The following SEPTIN8 variants were observed in gnomAD, a reference collection of about 807,000 sequenced individuals.
SEPTIN8 encodes septin-8.
A neutral mutation model predicts 53.1 loss-of-function variants in SEPTIN8; 22 were observed. The ratio of observed to expected loss-of-function variants is 0.41; its 90% CI spans 0.30 to 0.59. The LOEUF (loss-of-function observed/expected upper bound fraction) is 0.59, where lower values mean the gene tolerates loss of function less well. Among genes scored for constraint, SEPTIN8 ranks in the 20% least tolerant of loss-of-function variants. SEPTIN8 has a pLI of 0.24. For synonymous variants in SEPTIN8, 228 were observed against 248.4 expected (o/e 0.92, Z 0.77); for missense variants, 536 against 638.7 (o/e 0.84, Z 1.73).
At position 132,760,720 on chromosome 5, in the gene SEPTIN8, G is replaced by A. The variant is rs374438217; in HGVS notation, c.1286+82C>T. On this transcript the variant is annotated intron_variant, in intron 9 of 9. Coordinates refer to ENST00000378719, the MANE Select transcript of SEPTIN8 (RefSeq NM_001098811.2). The surrounding 1 kb of genome is among the most constrained non-coding windows in gnomAD (Gnocchi z 5.2). ...GGTAAGAGAGGGCGAGCAGGAGAGC[G>A]AGAAGGGAGGTGAGGGACAAGAACG... is the stretch of plus-strand genomic sequence containing the variant. 40 of 1,323,042 alleles carry A rather than the reference G, an allele frequency of 3.0e-5. No homozygotes were observed. Among genetic ancestry groups the A allele is most frequent in the African/African-American group, 1.9e-4 (13 of 68,222 alleles). The allele number at this position is 1,323,042 out of a possible 1,614,324, so 82.0% of individuals were successfully genotyped here.
In SEPTIN8 at chr5:132,776,314, C is replaced by A. The variant is rs1040616413; in HGVS notation, c.30+794G>T. ...GCAGGGGATGTCCAGATACAACCCCCCAAAGGCCTCCCTCCCGCGAGTGAA... is the reference window on the plus strand; with the variant it reads ...GCAGGGGATGTCCAGATACAACCCCACAAAGGCCTCCCTCCCGCGAGTGAA... On this transcript the variant is annotated intron_variant, in intron 1 of 9. Coordinates refer to ENST00000378719, the MANE Select transcript of SEPTIN8 (RefSeq NM_001098811.2). The surrounding 1 kb of genome is among the most constrained non-coding windows in gnomAD (Gnocchi z 4.4). Among the ~76,000 whole-genome samples the A allele has an allele frequency of 4.6e-5, 7 of 152,178 alleles. No individual in the cohort carries two copies. Among genetic ancestry groups the A allele is most frequent in the Non-Finnish European group, 8.8e-5 (6 of 68,036 alleles).
chr5:132,757,154 C>G (rs1382830876), intron 9 of SEPTIN8: 3 of 974,698 alleles, frequency 3.1e-6, no homozygotes, highest in Non-Finnish European at 3.7e-6. Flanking sequence ...TTCCAAGACC[C>G]TGTACCTAAT....
At chr5:132,758,618 T>C (rs1755573696) in intron 9 of SEPTIN8, 2 of 1,598,464 alleles carry the variant, frequency 1.3e-6, no homozygotes, top group Admixed American at 1.7e-5. Flanking sequence ...CGTGTTTGCA[T>C]AGAGAGGGGT....
chr5:132,758,210 G>A, intron 9 of SEPTIN8: 1 of 1,206,226 alleles, frequency 8.3e-7, no homozygotes, highest in Non-Finnish European at 1.0e-6. Flanking sequence ...ACATAAGAAA[G>A]GTTTAGCTGT....
At position 132,761,383 on chromosome 5, in the gene SEPTIN8, C is replaced by T. The variant is rs1755930140; in HGVS notation, c.962+75G>A. 7 of 1,586,480 alleles carry T rather than the reference C, an allele frequency of 4.4e-6. No homozygotes were observed. The highest frequency in any genetic ancestry group is 5.1e-6 in the Non-Finnish European group (6 of 1,168,848). On this transcript the variant is annotated intron_variant, in intron 7 of 9. Transcript: ENST00000378719. This position sits in a 1 kb window ranked among gnomAD's most constrained non-coding sequence, Gnocchi z 5.8. ...CGAGGGGTAAGAGGATGTGGGGTCC[C>T]TCAGGGAACAGATGCCAGGGTGGTG...
At chr5:132,774,823 T>C (rs1330337003) in intron 1 of SEPTIN8, among the ~76,000 whole-genome samples, 3 of 152,156 alleles carry the variant, frequency 2.0e-5, no homozygotes, top group Admixed American at 6.5e-5. Flanking sequence ...TTTCCAAACA[T>C]GCCACGGACT....
chr5:132,758,487 T>TC lies in SEPTIN8; in HGVS notation c.1286+2314dup, dbSNP rs767083820. ...AGGCCTAGCATCCCGGCTGGGGCCT[T>TC]CGCTAGAGCGGCACATAACAGCTCC... On this transcript the variant is annotated intron_variant, in intron 9 of 9. Coordinates refer to ENST00000378719, the MANE Select transcript of SEPTIN8 (RefSeq NM_001098811.2). 1.7e-5 allele frequency: 28 copies of TC among 1,611,838 alleles called. No individual in the cohort carries two copies. The East Asian group carries it at 6.3e-4, about 36-fold the overall frequency.
At position 132,761,264 on chromosome 5, in the gene SEPTIN8, G is replaced by A. The variant is rs1391585038; in HGVS notation, c.964C>T (p.Leu322=). ...DSDGDSQPFS[L]QETYEAKRKE... is the part of the protein sequence containing the mutation. ...CTCTTGGCCTCGTATGTCTCTTGTAGGCTGTGGAGACCCAGAGAAAAGAGG... is the reference window on the plus strand; with the variant it reads ...CTCTTGGCCTCGTATGTCTCTTGTAAGCTGTGGAGACCCAGAGAAAAGAGG... Residue 322 remains leucine (L), a splice_region_variant and synonymous_variant, in exon 8 of 10, where the codon CTA becomes TTA. Transcript: ENST00000378719. The surrounding 1 kb of genome is among the most constrained non-coding windows in gnomAD (Gnocchi z 5.8). 6.8e-6 allele frequency: 11 copies of A among 1,613,388 alleles called. No individual in the cohort carries two copies. Among genetic ancestry groups the A allele is most frequent in the Non-Finnish European group, 9.3e-6 (11 of 1,180,032 alleles).
intron 9 of SEPTIN8, chr5:132,758,759 C>T (rs867413623): frequency 1.9e-6 from 3 of 1,613,932 alleles, no homozygotes; most frequent in Middle Eastern, 1.6e-4. Flanking sequence ...CAAGGTGTAA[C>T]TCAAGCAACT....
chr5:132,760,905 TCTC>T lies in SEPTIN8; in HGVS notation c.1180_1182del (p.Glu394del), dbSNP rs771204673. 4 of 1,610,412 alleles carry T rather than the reference TCTC, an allele frequency of 2.5e-6. No individual in the cohort carries two copies. Among genetic ancestry groups the T allele is most frequent in the East Asian group, 2.2e-5 (1 of 44,874 alleles). ...GCCTTCCGGCGATTGAAGGCGTTGGTCTCCTCCTCCAGTTCCCGGCGCTTTTCC... is the reference window on the plus strand; with the variant it reads ...GCCTTCCGGCGATTGAAGGCGTTGGTCTCCTCCAGTTCCCGGCGCTTTTCC... On this transcript the variant is annotated inframe_deletion, in exon 9 of 10. Transcript: ENST00000378719. The surrounding 1 kb of genome is among the most constrained non-coding windows in gnomAD (Gnocchi z 5.2).
intron 2 of SEPTIN8, 128 bp downstream of exon 2, chr5:132,765,281 G>A (rs948238280): frequency 1.7e-5 from 19 of 1,133,610 alleles, no homozygotes; most frequent in African/African-American, 1.3e-4. Flanking sequence ...CCAAATCCTC[G>A]TCCTGACACC....
Position 132,776,168 on chromosome 5 carries a change from C to T in SEPTIN8, c.30+940G>A, listed in dbSNP as rs1160408715. Among the ~76,000 whole-genome samples the T allele has an allele frequency of 1.3e-5, 2 of 152,000 alleles. No individual in the cohort carries two copies. Among genetic ancestry groups the T allele is most frequent in the East Asian group, 3.9e-4 (2 of 5,178 alleles). ...AGCCCTGGGCCTCCCTCCTCCTCCT[C>T]CTCCTTCTCCCCCTCCTCCCCCTTC... On this transcript the variant is annotated intron_variant, in intron 1 of 9. Coordinates refer to ENST00000378719, the MANE Select transcript of SEPTIN8 (RefSeq NM_001098811.2). This position sits in a 1 kb window ranked among gnomAD's most constrained non-coding sequence, Gnocchi z 4.4.
Position 132,760,580 on chromosome 5 carries a change from A to G in SEPTIN8, c.1286+222T>C, listed in dbSNP as rs1009645009. Among the ~76,000 whole-genome samples, 9 of 152,206 alleles carry G rather than the reference A, an allele frequency of 5.9e-5. No individual in the cohort carries two copies. The highest frequency in any genetic ancestry group is 2.2e-4 in the African/African-American group (9 of 41,452). ...AGATTGCCTGTGCAAGTGAGACTGC[A>G]TGAGTATCAGAGCAATCCAGACGGC... is the stretch of plus-strand genomic sequence containing the variant. On this transcript the variant is annotated intron_variant, in intron 9 of 9. Coordinates refer to ENST00000378719, the MANE Select transcript of SEPTIN8 (RefSeq NM_001098811.2). The surrounding 1 kb of genome is among the most constrained non-coding windows in gnomAD (Gnocchi z 5.2).
At chr5:132,778,063 C>A, upstream of SEPTIN8, 3 of 985,580 alleles carry the variant, frequency 3.0e-6, no homozygotes, top group Non-Finnish European at 3.6e-6. Flanking sequence ...CTGCTCAAAA[C>A]GTTCAGAAAA....
At chr5:132,754,581 G>A (rs990683660) in intron 9 of SEPTIN8, 8 of 713,774 alleles carry the variant, frequency 1.1e-5, no homozygotes, top group African/African-American at 1.7e-5. Flanking sequence ...ACAACCTTCT[G>A]CTCTGGCTTT....
chr5:132,753,740 G>A (rs1240217145), intron 9 of SEPTIN8: 2 of 152,500 alleles, frequency 1.3e-5, no homozygotes, highest in South Asian at 2.1e-4. Flanking sequence ...CTGTTGGGAT[G>A]AGCAGGTTCT....
rs1757779190 is a variant in SEPTIN8 at position 132,776,245 on chromosome 5, T to G, written c.30+863A>C. On this transcript the variant is annotated intron_variant, in intron 1 of 9. Transcript: ENST00000378719. This position sits in a 1 kb window ranked among gnomAD's most constrained non-coding sequence, Gnocchi z 4.4. ...CAAGAGGACACAGCTTCCTTCACTG[T>G]CACAGCCTAGCCTCCCAGACACACC... Among the ~76,000 whole-genome samples, 2 of 151,970 alleles carry G rather than the reference T, an allele frequency of 1.3e-5. No individual in the cohort carries two copies. Among genetic ancestry groups the G allele is most frequent in the South Asian group, 4.2e-4 (2 of 4,814 alleles).
chr5:132,769,833 G>T (rs894437041), intron 1 of SEPTIN8, among the ~76,000 whole-genome samples: 2 of 151,138 alleles, frequency 1.3e-5, no homozygotes, highest in African/African-American at 4.9e-5. Context: ...GGGGAGAGGT[G>T]GGAATGGCAG....
rs1561779891 is a variant in SEPTIN8 at position 132,777,033 on chromosome 5, C to A, written c.30+75G>T. On this transcript the variant is annotated intron_variant, in intron 1 of 9. Coordinates refer to ENST00000378719, the MANE Select transcript of SEPTIN8 (RefSeq NM_001098811.2). This position sits in a 1 kb window ranked among gnomAD's most constrained non-coding sequence, Gnocchi z 4.1. ...GAGGCGCTGACAGCCCGCTTCGCGC[C>A]CCCCGCCAGCTGCAGGGCGGCCCCT... The A allele has an allele frequency of 1.8e-5, 17 of 966,672 alleles. No homozygotes were observed. Among genetic ancestry groups the A allele is most frequent in the Non-Finnish European group, 2.2e-5 (17 of 772,110 alleles). The allele number at this position is 966,672 out of a possible 1,614,324, so 59.9% of individuals were successfully genotyped here.
Sources: gnomAD v4.1 joint callset for allele counts (sites outside exome capture counted in the v4.1 genomes callset) on GRCh38, gnomAD v4.1.1 for gene constraint, Gnocchi (gnomAD v3.1) non-coding constraint, MANE v1.5 for transcripts, NCBI Gene and HGNC (gene_info 2026-07-23, HGNC 2026-07-21) for gene names.